Variants in KDM3A observed in about 807,000 individuals in gnomAD.
KDM3A encodes lysine-specific demethylase 3A.
KDM3A carries 60 observed loss-of-function variants against 158.0 expected under a neutral mutation model. The ratio of observed to expected loss-of-function variants is 0.38; its 90% confidence interval spans 0.31 to 0.47. The LOEUF is 0.47. KDM3A is among the 20% of genes least tolerant of loss of function. The pLI is 0.99. For synonymous variants in KDM3A, 608 were observed against 549.3 expected (o/e 1.11, Z -1.49); for missense variants, 1,319 against 1,574.3 (o/e 0.84, Z 2.74).
intron 10 of KDM3A, among the ~76,000 whole-genome samples, chr2:86,467,146 A>C (rs1673193862): frequency 2.0e-5 from 3 of 152,152 alleles, no homozygotes; most frequent in Non-Finnish European, 1.5e-5. Flanking sequence ...CCTGTGAATT[A>C]GTGTAGGTGT....
intron 8 of KDM3A, among the ~76,000 whole-genome samples, chr2:86,462,154 G>T (rs112468305): frequency 0.014 from 2,130 of 152,010 alleles, 54 homozygotes; most frequent in African/African-American, 0.049. Context: ...GCAAATAGAG[G>T]CAAGATTTAT....
upstream of KDM3A, among the ~76,000 whole-genome samples, chr2:86,439,018 T>A (rs554674394): frequency 2.6e-5 from 4 of 152,174 alleles, no homozygotes; most frequent in Non-Finnish European, 4.4e-5. Flanking sequence ...CAGATGTTTT[T>A]TCGTTCATAT....
In KDM3A at chr2:86,485,820, G is replaced by T; in HGVS notation, c.3274G>T (p.Val1092Phe). ...NLASRLPNYF[V>F]RPDLGPKMYN... ...GGCCTCTAGGCTGCCAAACTACTTT[G>T]TTCGGCCAGATCTGGGCCCCAAGAT... The change falls in exon 21 of 26, where the codon GTT becomes TTT. Residue 1092 changes from valine (V) to phenylalanine (F), a missense_variant. Around this residue, in one of 4 missense-constraint regions of KDM3A, gnomAD observed 186 missense variants for 340.9 expected, o/e 0.55. Coordinates refer to ENST00000312912, the MANE Select transcript of KDM3A (RefSeq NM_018433.6). The T allele has an allele frequency of 6.2e-7, 1 of 1,614,108 alleles. No homozygotes were observed. The highest frequency in any genetic ancestry group is 8.5e-7 in the Non-Finnish European group (1 of 1,179,996).
chr2:86,455,681 A>T (rs1196864230), intron 5 of KDM3A, among the ~76,000 whole-genome samples: 1 of 152,182 alleles, frequency 6.6e-6, no homozygotes, highest in Non-Finnish European at 1.5e-5. Flanking sequence ...ACAGTGGCTC[A>T]AGCCTGTGAT....
intron 11 of KDM3A, 49 bp downstream of exon 11, chr2:86,470,457 C>A: frequency 6.8e-7 from 1 of 1,467,858 alleles, no homozygotes; most frequent in Non-Finnish European, 9.5e-7. Flanking sequence ...ACTTGTTATG[C>A]TAGATCATCT....
chr2:86,481,557 C>T (rs1673931391), intron 16 of KDM3A, among the ~76,000 whole-genome samples: 1 of 151,380 alleles, frequency 6.6e-6, no homozygotes, highest in South Asian at 2.1e-4. Flanking sequence ...TCTGTTTTCA[C>T]TCTTTATTAA....
chr2:86,455,536 T>G (rs1672653439), intron 5 of KDM3A, among the ~76,000 whole-genome samples: 1 of 152,076 alleles, frequency 6.6e-6, no homozygotes, highest in Non-Finnish European at 1.5e-5. Flanking sequence ...CGCCGGGCCA[T>G]TTCTTACTTT....
intron 11 of KDM3A, 121 bp downstream of exon 11, chr2:86,470,529 G>T: frequency 1.3e-6 from 1 of 745,324 alleles, no homozygotes; most frequent in Non-Finnish European, 2.2e-6. Flanking sequence ...GGTAGATGTT[G>T]CATTTATAAT....
chr2:86,438,044 C>A (rs1438296281), upstream of KDM3A, among the ~76,000 whole-genome samples: 1 of 152,074 alleles, frequency 6.6e-6, no homozygotes, highest in African/African-American at 2.4e-5. Flanking sequence ...GCATCCTTAT[C>A]TTGCTCCTGA....
At chr2:86,447,798 C>T (rs1395551260) in intron 2 of KDM3A, among the ~76,000 whole-genome samples, 3 of 152,134 alleles carry the variant, frequency 2.0e-5, no homozygotes, top group Admixed American at 6.5e-5. Flanking sequence ...TTCAGTGTAG[C>T]TGGGAATTCA....
intron 2 of KDM3A, chr2:86,443,372 T>C (rs1021807880): frequency 4.6e-5 from 7 of 152,234 alleles, no homozygotes; most frequent in Non-Finnish European, 1.0e-4. Context: ...GGTATTTATC[T>C]GCAAAGAGTT....
chr2:86,478,295 C>CGAA (rs1349912110), intron 14 of KDM3A, 30 bp downstream of exon 14: 1 of 1,518,886 alleles, frequency 6.6e-7, no homozygotes, highest in South Asian at 1.1e-5. Context: ...GATTTTCTTT[C>CGAA]CCCTTGTCTT....
In KDM3A at chr2:86,484,143, T is replaced by C; in HGVS notation, c.3079T>C (p.Phe1027Leu). 1 of 1,612,928 alleles carries C rather than the reference T, an allele frequency of 6.2e-7. No individual in the cohort carries two copies. The highest frequency in any genetic ancestry group is 8.5e-7 in the Non-Finnish European group (1 of 1,179,466). ...CACAGTAGGAGACTTCTGGGATGGA[T>C]TTGAAGATGTTCCAAGTATGTATGA... ...GATVGDFWDG[F>L]EDVPNRLKNE... Residue 1027 changes from phenylalanine (F) to leucine (L), a missense_variant, in exon 19 of 26, where the codon TTT (phenylalanine) becomes CTT (leucine). Phe to Leu is a conservative substitution (Grantham distance 22). This residue lies in a region of KDM3A where 368 missense variants were observed against 415.8 expected (regional missense o/e 0.89). Coordinates refer to ENST00000312912, the MANE Select transcript of KDM3A (RefSeq NM_018433.6).
At chr2:86,451,058 AT>A in intron 3 of KDM3A, 44 bp from the exon 4 acceptor site, 1 of 1,295,778 alleles carries the variant, frequency 7.7e-7, no homozygotes, top group Non-Finnish European at 1.1e-6. Context: ...TTTCAGAATT[AT>A]GCTGACAGCA....
Position 86,482,459 on chromosome 2 carries a change from C to T in KDM3A, c.2687C>T (p.Thr896Ile). The change falls in exon 18 of 26, where the codon ACA becomes ATA. Residue 896 changes from threonine to isoleucine, a missense_variant and splice_region_variant. By Grantham distance (89) the Thr-to-Ile change is moderately conservative. Around this residue, in one of 4 missense-constraint regions of KDM3A, gnomAD observed 368 missense variants for 415.8 expected, o/e 0.89. Coordinates refer to ENST00000312912, the MANE Select transcript of KDM3A (RefSeq NM_018433.6). ...ACTTTTGTTCTTTCTCCAATTCAGA[C>T]AGAAAATGGACTCAAGAATACACCA... ...RNLLNSSTGK[T>I]ENGLKNTPKI... 2 of 1,612,010 alleles carry T rather than the reference C, an allele frequency of 1.2e-6. No individual in the cohort carries two copies. Among genetic ancestry groups the T allele is most frequent in the African/African-American group, 1.3e-5 (1 of 74,766 alleles).
At chr2:86,443,845 G>C (rs1682844740) in intron 2 of KDM3A, among the ~76,000 whole-genome samples, 1 of 151,948 alleles carries the variant, frequency 6.6e-6, no homozygotes, top group African/African-American at 2.4e-5. Flanking sequence ...TTTTGCTTTG[G>C]GCTTATAACC....
At chr2:86,472,282 TA>T (rs1673454711) in intron 11 of KDM3A, among the ~76,000 whole-genome samples, 1 of 152,286 alleles carries the variant, frequency 6.6e-6, no homozygotes, top group South Asian at 2.1e-4. Flanking sequence ...TAATGCTGCG[TA>T]GTAGAAGCCA....
chr2:86,489,398 T>G lies in KDM3A; in HGVS notation c.3394T>G (p.Tyr1132Asp). The G allele has an allele frequency of 6.2e-7, 1 of 1,614,072 alleles. No homozygotes were observed. Among genetic ancestry groups the G allele is most frequent in the Non-Finnish European group, 8.5e-7 (1 of 1,179,972 alleles). ...DVSDAANVMV[Y>D]VGIPKGQCEQ... ...ATCTGATGCAGCTAATGTCATGGTCTATGTGGGAATTCCCAAAGGACAGTG... is the reference window on the plus strand; with the variant it reads ...ATCTGATGCAGCTAATGTCATGGTCGATGTGGGAATTCCCAAAGGACAGTG... Residue 1132 changes from tyrosine (Y) to aspartate (D), a missense_variant, in exon 22 of 26, where the codon TAT becomes GAT. By Grantham distance (160) the Tyr-to-Asp change is radical (BLOSUM62 -3). This residue lies in a region of KDM3A where 186 missense variants were observed against 340.9 expected (regional missense o/e 0.55). Transcript: ENST00000312912.
At position 86,466,700 on chromosome 2, in the gene KDM3A, C is replaced by T. The variant is rs763899056; in HGVS notation, c.1336C>T (p.Pro446Ser). The T allele has an allele frequency of 6.2e-7, 1 of 1,613,912 alleles. No homozygotes were observed. Among genetic ancestry groups the T allele is most frequent in the Non-Finnish European group, 8.5e-7 (1 of 1,179,856 alleles). The change falls in exon 10 of 26, where the codon CCA (proline) becomes TCA (serine). Residue 446 changes from proline to serine, a missense_variant. Around this residue, in one of 4 missense-constraint regions of KDM3A, gnomAD observed 652 missense variants for 627.2 expected, o/e 1.04. Coordinates refer to ENST00000312912, the MANE Select transcript of KDM3A (RefSeq NM_018433.6). ...LQKHLEHAPSPSDVSNAPEVK... is the reference protein window; with the variant it reads ...LQKHLEHAPSSSDVSNAPEVK... ...GAAGCACCTAGAACATGCACCTTCCCCATCGGATGTTTCAAATGCACCAGA... is the reference window on the plus strand; with the variant it reads ...GAAGCACCTAGAACATGCACCTTCCTCATCGGATGTTTCAAATGCACCAGA...
Sources: allele counts gnomAD v4.1 joint callset (sites outside exome capture counted in the v4.1 genomes callset), GRCh38; gene constraint gnomAD v4.1.1; regional missense constraint gnomAD v4.1.1; transcripts MANE v1.5; gene names NCBI Gene and HGNC (gene_info 2026-07-23, HGNC 2026-07-21).